The following LOC128125818 variants were observed in gnomAD, a reference collection of about 807,000 sequenced individuals.
chr4:6,069,752 C>CAA, the LOC128125818 span, among the ~76,000 whole-genome samples: 64 of 125,072 alleles, frequency 5.1e-4, 1 homozygote, highest in South Asian at 6.7e-3. This position sits in a 1 kb window ranked among gnomAD's most constrained non-coding sequence, Gnocchi z 4.5. Context: ...GATCCTGTCT[C>CAA]AAAAAAAAAA....
chr4:6,068,704 C>T, the LOC128125818 span, among the ~76,000 whole-genome samples: 16 of 151,898 alleles, frequency 1.1e-4, no homozygotes, highest in Non-Finnish European at 2.2e-4. Flanking sequence ...ATTACAGGTG[C>T]GTGCCACCAC....
At chr4:6,065,778 A>T in the LOC128125818 span, among the ~76,000 whole-genome samples, 78 of 152,262 alleles carry the variant, frequency 5.1e-4, no homozygotes, top group African/African-American at 1.8e-3. The surrounding 1 kb of genome is among the most constrained non-coding windows in gnomAD (Gnocchi z 5.1). Context: ...ATATCATAGG[A>T]TATGGGGCTT....
chr4:6,067,062 C>A, the LOC128125818 span, among the ~76,000 whole-genome samples: 1 of 152,180 alleles, frequency 6.6e-6, no homozygotes, highest in Non-Finnish European at 1.5e-5. The surrounding 1 kb of genome is among the most constrained non-coding windows in gnomAD (Gnocchi z 4.6). Flanking sequence ...TCCTGCTTCA[C>A]CCCCGCCCCA....
At chr4:6,067,946 C>T in the LOC128125818 span, among the ~76,000 whole-genome samples, 144 of 152,236 alleles carry the variant, frequency 9.5e-4, no homozygotes, top group African/African-American at 6.3e-4. This position sits in a 1 kb window ranked among gnomAD's most constrained non-coding sequence, Gnocchi z 4.6. Context: ...CCTTTGGGGA[C>T]GAGTCTGTTT....
chr4:6,067,810 CCT>C, the LOC128125818 span, among the ~76,000 whole-genome samples: 15 of 149,208 alleles, frequency 1.0e-4, 1 homozygote, highest in African/African-American at 3.7e-4. This position sits in a 1 kb window ranked among gnomAD's most constrained non-coding sequence, Gnocchi z 4.6. Context: ...AGGTCACCCC[CCT>C]GAGCTCCACG....
the LOC128125818 span, among the ~76,000 whole-genome samples, chr4:6,068,727 T>G: frequency 6.6e-6 from 1 of 152,014 alleles, no homozygotes; most frequent in East Asian, 1.9e-4. Context: ...CTGGCTAATT[T>G]TTGTACATAT....
the LOC128125818 span, among the ~76,000 whole-genome samples, chr4:6,065,508 C>T: frequency 6.6e-6 from 1 of 152,212 alleles, no homozygotes; most frequent in African/African-American, 2.4e-5. The surrounding 1 kb of genome is among the most constrained non-coding windows in gnomAD (Gnocchi z 5.1). Flanking sequence ...GAGGGGGCAA[C>T]AGCTTGAAGG....
At chr4:6,067,870 G>A in the LOC128125818 span, among the ~76,000 whole-genome samples, 7 of 152,282 alleles carry the variant, frequency 4.6e-5, no homozygotes, top group African/African-American at 7.2e-5. This position sits in a 1 kb window ranked among gnomAD's most constrained non-coding sequence, Gnocchi z 4.6. Context: ...TGAGCTCCAC[G>A]TTCCACATTT....
the LOC128125818 span, among the ~76,000 whole-genome samples, chr4:6,069,170 G>T: frequency 1.3e-5 from 2 of 152,048 alleles, no homozygotes; most frequent in Non-Finnish European, 2.9e-5. The surrounding 1 kb of genome is among the most constrained non-coding windows in gnomAD (Gnocchi z 4.5). Context: ...AGAGATGAGG[G>T]GAGAACCGCC....
At chr4:6,065,028 T>C in the LOC128125818 span, 11 of 1,613,998 alleles carry the variant, frequency 6.8e-6, no homozygotes, top group African/African-American at 1.3e-4. This position sits in a 1 kb window ranked among gnomAD's most constrained non-coding sequence, Gnocchi z 5.1. Context: ...GCAATTTGTA[T>C]GATGTTAGCA....
chr4:6,066,476 G>A, the LOC128125818 span, among the ~76,000 whole-genome samples: 67 of 152,172 alleles, frequency 4.4e-4, no homozygotes, highest in African/African-American at 1.5e-3. Flanking sequence ...TGGGGAATAC[G>A]ACTCTCCCCC....
the LOC128125818 span, among the ~76,000 whole-genome samples, chr4:6,066,918 A>G: frequency 1.6e-4 from 24 of 151,736 alleles, no homozygotes; most frequent in East Asian, 4.5e-3. Context: ...CCCCACACAC[A>G]CCTGCCATGG....
the LOC128125818 span, among the ~76,000 whole-genome samples, chr4:6,066,773 A>ATC: frequency 6.6e-6 from 1 of 151,354 alleles, no homozygotes; most frequent in African/African-American, 2.4e-5. Context: ...AGCCACCAAT[A>ATC]TCTCTCTCTC....
the LOC128125818 span, among the ~76,000 whole-genome samples, chr4:6,066,224 A>G: frequency 6.6e-6 from 1 of 152,040 alleles, no homozygotes; most frequent in Non-Finnish European, 1.5e-5. Flanking sequence ...TTTTACCCAG[A>G]TATCTGTAAA....
At chr4:6,065,089 T>G in the LOC128125818 span, 2 of 1,547,846 alleles carry the variant, frequency 1.3e-6, no homozygotes, top group Non-Finnish European at 1.8e-6. This position sits in a 1 kb window ranked among gnomAD's most constrained non-coding sequence, Gnocchi z 5.1. Context: ...GGCATGCCAG[T>G]GCAGGGGGGT....
chr4:6,066,732 CT>C, the LOC128125818 span, among the ~76,000 whole-genome samples: 1 of 152,140 alleles, frequency 6.6e-6, no homozygotes, highest in Non-Finnish European at 1.5e-5. Flanking sequence ...CTCTCTCCCC[CT>C]CTCTCCATTG....
the LOC128125818 span, among the ~76,000 whole-genome samples, chr4:6,068,715 A>G: frequency 2.0e-5 from 3 of 151,938 alleles, no homozygotes; most frequent in African/African-American, 7.3e-5. Context: ...GTGCCACCAC[A>G]TCTGGCTAAT....
At chr4:6,066,285 A>G in the LOC128125818 span, among the ~76,000 whole-genome samples, 2 of 152,306 alleles carry the variant, frequency 1.3e-5, no homozygotes, top group African/African-American at 4.8e-5. Context: ...TTAGGAAATA[A>G]TTCAGACATA....
chr4:6,068,208 C>T, the LOC128125818 span, among the ~76,000 whole-genome samples: 1 of 152,188 alleles, frequency 6.6e-6, no homozygotes, highest in East Asian at 1.9e-4. Flanking sequence ...GTTAAGGACT[C>T]AACTCCCAAG....
Sources: gnomAD v4.1 joint callset for allele counts (sites outside exome capture counted in the v4.1 genomes callset) on GRCh38, gnomAD v4.1.1 for gene constraint, Gnocchi (gnomAD v3.1) non-coding constraint, MANE v1.5 for transcripts.